Variants in COA1 observed in about 807,000 individuals in gnomAD.
The protein encoded by COA1 is cytochrome c oxidase assembly factor 1 homolog.
A neutral mutation model predicts 16.0 loss-of-function variants in COA1; 13 were observed. The observed-to-expected ratio is 0.81, with a 90% CI of 0.53 to 1.29. COA1 has a LOEUF of 1.29. Ranked by LOEUF, COA1 falls within the 50% of genes most tolerant of loss-of-function variation. The pLI, the probability that COA1 is intolerant of heterozygous loss-of-function variation, is 0.00. For missense variants in COA1, 179 were observed against 177.0 expected (o/e 1.01, Z -0.06); for synonymous variants, 65 against 65.7 (o/e 0.99, Z 0.05).
chr7:43,695,546 G>T (rs1407183809), intron 1 of COA1, among the ~76,000 whole-genome samples: 3 of 151,970 alleles, frequency 2.0e-5, no homozygotes, highest in Non-Finnish European at 4.4e-5. Context: ...TCACTAGAAT[G>T]TATGCAAATG....
At chr7:43,611,448 A>G (rs7805969) in intron 6 of COA1, among the ~76,000 whole-genome samples, 89,449 of 152,048 alleles carry the variant, frequency 0.59, 26,492 homozygotes, top group Non-Finnish European at 0.63. Flanking sequence ...GAAAGCAAGT[A>G]TGGACATGTG....
chr7:43,673,756 A>G (rs1408970430), intron 1 of COA1, among the ~76,000 whole-genome samples: 1 of 152,234 alleles, frequency 6.6e-6, no homozygotes, highest in Non-Finnish European at 1.5e-5. Flanking sequence ...ATGCCCACCA[A>G]TGGTGGAATG....
intron 1 of COA1, among the ~76,000 whole-genome samples, chr7:43,651,706 A>C (rs1438277000): frequency 2.0e-5 from 3 of 151,288 alleles, no homozygotes; most frequent in Admixed American, 6.6e-5. Flanking sequence ...AAAAAAAAAA[A>C]AAAAAACAGG....
At chr7:43,674,801 A>C (rs2093436931) in intron 1 of COA1, among the ~76,000 whole-genome samples, 2 of 152,170 alleles carry the variant, frequency 1.3e-5, no homozygotes. Context: ...TTAAGGACAA[A>C]CTTCCTATAA....
intron 1 of COA1, among the ~76,000 whole-genome samples, chr7:43,697,567 A>C (rs929740562): frequency 6.6e-6 from 1 of 152,198 alleles, no homozygotes; most frequent in Non-Finnish European, 1.5e-5. Context: ...TTAAGGTATG[A>C]GCCACCGCAC....
At chr7:43,644,809 G>C (rs897088418) in intron 4 of COA1, among the ~76,000 whole-genome samples, 2 of 149,794 alleles carry the variant, frequency 1.3e-5, no homozygotes, top group Admixed American at 6.7e-5. Flanking sequence ...CAGAGAGAGA[G>C]AGAGAGAGAG....
intron 1 of COA1, among the ~76,000 whole-genome samples, chr7:43,689,677 A>G (rs1398617783): frequency 1.3e-5 from 2 of 152,250 alleles, no homozygotes; most frequent in Non-Finnish European, 2.9e-5. Flanking sequence ...TAATGACTAA[A>G]GCAAACCTGG....
intron 4 of COA1, among the ~76,000 whole-genome samples, chr7:43,641,232 G>C (rs1053953399): frequency 6.6e-6 from 1 of 150,542 alleles, no homozygotes; most frequent in Admixed American, 6.6e-5. Flanking sequence ...ATAACGGCTT[G>C]AGTGACACAA....
chr7:43,615,932 C>G (rs2083298898), intron 6 of COA1, among the ~76,000 whole-genome samples: 1 of 152,124 alleles, frequency 6.6e-6, no homozygotes, highest in Non-Finnish European at 1.5e-5. Flanking sequence ...GATAACATGC[C>G]CATGCACACA....
chr7:43,691,417 AAGAAAAAGAAAGAAAGAAAG>A (rs1181585235), intron 1 of COA1, among the ~76,000 whole-genome samples: 4 of 103,018 alleles, frequency 3.9e-5, no homozygotes, highest in African/African-American at 8.5e-5. Flanking sequence ...GGAAGGAAGA[AAGAAAAAGAAAGAAAGAAAG>A]AAAGAAAGAA....
chr7:43,696,876 G>A (rs2094544416), intron 1 of COA1, among the ~76,000 whole-genome samples: 1 of 151,820 alleles, frequency 6.6e-6, no homozygotes, highest in Non-Finnish European at 1.5e-5. Context: ...TGTAATCCCA[G>A]CACTTTGGGA....
At chr7:43,708,112 G>A (rs529276247) in intron 1 of COA1, among the ~76,000 whole-genome samples, 28 of 152,316 alleles carry the variant, frequency 1.8e-4, no homozygotes, top group African/African-American at 6.7e-4. Context: ...CCTGAGGCAG[G>A]AGAATTGCTT....
intron 6 of COA1, among the ~76,000 whole-genome samples, chr7:43,614,996 A>G (rs1006327519): frequency 6.6e-6 from 1 of 152,228 alleles, no homozygotes; most frequent in African/African-American, 2.4e-5. Context: ...TTTACTAATC[A>G]CAAGAAAATC....
At chr7:43,723,667 C>G (rs1478269971) in intron 1 of COA1, among the ~76,000 whole-genome samples, 1 of 152,154 alleles carries the variant, frequency 6.6e-6, no homozygotes. Flanking sequence ...TGGCTCACAC[C>G]TGTAATCCCA....
At chr7:43,689,361 T>G (rs1001976797) in intron 1 of COA1, among the ~76,000 whole-genome samples, 7 of 152,190 alleles carry the variant, frequency 4.6e-5, no homozygotes, top group African/African-American at 1.7e-4. Context: ...ATCTGGTATG[T>G]GTGTGTTTGT....
chr7:43,655,437 G>A (rs1224235672), intron 1 of COA1, among the ~76,000 whole-genome samples: 12 of 152,168 alleles, frequency 7.9e-5, no homozygotes, highest in Non-Finnish European at 1.5e-4. Context: ...GATCACTTAA[G>A]GTCAGGAGTT....
intron 1 of COA1, among the ~76,000 whole-genome samples, chr7:43,691,035 T>C (rs917141284): frequency 2.9e-5 from 3 of 104,700 alleles, no homozygotes; most frequent in African/African-American, 7.9e-5. Flanking sequence ...CTGGGCAATA[T>C]AGCGAGACCT....
At chr7:43,704,780 G>C (rs146536335) in intron 1 of COA1, among the ~76,000 whole-genome samples, 2 of 152,234 alleles carry the variant, frequency 1.3e-5, no homozygotes, top group East Asian at 3.9e-4. Context: ...TTGCTATCCA[G>C]ATTCTGAATT....
intron 6 of COA1, among the ~76,000 whole-genome samples, chr7:43,618,154 A>G (rs1298777608): frequency 6.6e-6 from 1 of 152,206 alleles, no homozygotes; most frequent in Non-Finnish European, 1.5e-5. Context: ...ACAAACAGCT[A>G]ACAGAACAAT....
Sources: gnomAD v4.1 joint callset for allele counts (sites outside exome capture counted in the v4.1 genomes callset) on GRCh38, gnomAD v4.1.1 for gene constraint, MANE v1.5 for transcripts, NCBI Gene and HGNC (gene_info 2026-07-23, HGNC 2026-07-21) for gene names.